SENP7: variants seen among roughly 807,000 people sequenced by gnomAD.
SENP7 encodes sentrin-specific protease 7.
Under a neutral mutation model 141.2 loss-of-function variants are expected in SENP7, and 64 were observed. The observed-to-expected ratio is 0.45, with a 90% CI of 0.37 to 0.56. SENP7 has a LOEUF of 0.56. SENP7 is among the 20% of genes least tolerant of loss of function. SENP7 has a pLI of 0.00. For missense variants in SENP7, 1,025 were observed against 1,212.2 expected (o/e 0.85, Z 2.29); for synonymous variants, 382 against 426.4 (o/e 0.90, Z 1.28).
At position 101,417,636 on chromosome 3, in the gene SENP7, G is replaced by C. The variant is rs1456700710; in HGVS notation, c.439C>G (p.Gln147Glu). ...CTTTGGCGAAGAGGTTCTAATTTTT[G>C]ACATGTCTCTAGGCTGTCAACAGAT... ...STSVDSLETC[Q>E]KLEPLRQSLN... The change falls in exon 5 of 24, where the codon CAA becomes GAA. Residue 147 changes from glutamine to glutamate, a missense_variant. Coordinates refer to ENST00000394095, the MANE Select transcript of SENP7 (RefSeq NM_020654.5). 6 of 1,613,870 alleles carry C rather than the reference G, an allele frequency of 3.7e-6. No homozygotes were observed. The East Asian group carries it at 1.3e-4, about 36-fold the overall frequency.
intron 3 of SENP7, among the ~76,000 whole-genome samples, chr3:101,479,892 C>CAAAAAAAAAAAAAA (rs1168285268): frequency 4.1e-4 from 3 of 7,346 alleles, no homozygotes; most frequent in Non-Finnish European, 4.5e-4. Flanking sequence ...ACAACAGCTA[C>CAAAAAAAAAAAAAA]AAAAAAAAAA....
At chr3:101,412,136 A>T (rs2061474127) in intron 5 of SENP7, among the ~76,000 whole-genome samples, 1 of 152,146 alleles carries the variant, frequency 6.6e-6, no homozygotes, top group East Asian at 1.9e-4. Flanking sequence ...ATTTTTAGAG[A>T]AATGAAGTCT....
rs1193580145 is a variant in SENP7 at position 101,350,339 on chromosome 3, T to C, written c.1657+1279A>G. On this transcript the variant is annotated intron_variant, in intron 12 of 23. Coordinates refer to ENST00000394095, the MANE Select transcript of SENP7 (RefSeq NM_020654.5). ...AAACATAATTAATACCTAATATAAA[T>C]ACGGATAAATCAATTTTTCCCCAGC... Among the ~76,000 whole-genome samples, 10 of 152,122 alleles carry C rather than the reference T, an allele frequency of 6.6e-5. 1 individual carries two copies. The highest frequency in any genetic ancestry group is 6.6e-4 in the Admixed American group (10 of 15,258).
In SENP7 at chr3:101,347,844, T is replaced by C. The variant is rs199645587; in HGVS notation, c.1837+28A>G. On this transcript the variant is annotated intron_variant, in intron 13 of 23. Coordinates refer to ENST00000394095, the MANE Select transcript of SENP7 (RefSeq NM_020654.5). ...TATTTATGACAATTTCAAGTTATCC[T>C]GAAATTTAGAAATCATTTTATACTC... 9.6e-5 allele frequency: 115 copies of C among 1,201,500 alleles called. No individual in the cohort carries two copies. The African/African-American group carries it at 1.7e-3, about 18-fold the overall frequency. 74.4% of individuals were successfully genotyped at this position (1,201,500 alleles called of 1,614,324 possible). A position where few individuals can be genotyped will look rare whatever the true frequency, so the allele number is the denominator to read the frequency against.
At chr3:101,462,219 A>G (rs2063569139) in intron 3 of SENP7, among the ~76,000 whole-genome samples, 1 of 152,186 alleles carries the variant, frequency 6.6e-6, no homozygotes, top group Non-Finnish European at 1.5e-5. Context: ...AAAAAAGCAT[A>G]TGACTAAATC....
At chr3:101,463,271 C>A (rs1231083260) in intron 3 of SENP7, among the ~76,000 whole-genome samples, 2 of 150,750 alleles carry the variant, frequency 1.3e-5, no homozygotes, top group Non-Finnish European at 2.9e-5. Flanking sequence ...ATCACTTGAG[C>A]CTAGGAGTTT....
At chr3:101,506,156 G>A (rs1275844194) in intron 1 of SENP7, among the ~76,000 whole-genome samples, 1 of 151,990 alleles carries the variant, frequency 6.6e-6, no homozygotes, top group Non-Finnish European at 1.5e-5. Flanking sequence ...CAGTACCTGG[G>A]ACTACAGGCA....
intron 7 of SENP7, among the ~76,000 whole-genome samples, chr3:101,370,157 T>C (rs2060138147): frequency 6.6e-6 from 1 of 152,178 alleles, no homozygotes; most frequent in South Asian, 2.1e-4. Flanking sequence ...ACTGAAAAAC[T>C]AAAAAATGTT....
chr3:101,456,462 T>C (rs554691687), intron 4 of SENP7, among the ~76,000 whole-genome samples: 22 of 152,320 alleles, frequency 1.4e-4, no homozygotes, highest in Admixed American at 8.5e-4. Context: ...TTTTATCCCC[T>C]AACAATATCA....
rs185058396 is a variant in SENP7, at chr3:101,376,714, A to G, written c.678-4588T>C. 7.4e-3 allele frequency among the ~76,000 whole-genome samples: 1,132 copies of G among 152,298 alleles called. 12 individuals carry two copies. The highest frequency in any genetic ancestry group is 0.026 in the Admixed American group (393 of 15,290). ...ACGAGTTAATGGGTGCAGCACACCA[A>G]CATGGCACATGTATACATATGTAAC... On this transcript the variant is annotated intron_variant, in intron 6 of 23. Transcript: ENST00000394095.
chr3:101,504,974 A>C (rs1283489571), intron 1 of SENP7, among the ~76,000 whole-genome samples: 1 of 152,110 alleles, frequency 6.6e-6, no homozygotes, highest in Non-Finnish European at 1.5e-5. Context: ...AGGCATGTGG[A>C]GAATCGCTTG....
At position 101,357,477 on chromosome 3, in the gene SENP7, T is replaced by C. The variant is rs930557784; in HGVS notation, c.1623+4238A>G. ...AAGATGATTGCCAGACCCCCAGTTA[T>C]ATGTTCTCATTTTGCCCAAGATCTT... On this transcript the variant is annotated intron_variant, in intron 11 of 23. Coordinates refer to ENST00000394095, the MANE Select transcript of SENP7 (RefSeq NM_020654.5). The C allele has an allele frequency of 1.2e-5, 16 of 1,342,132 alleles. 1 individual carries two copies. In the African/African-American group the frequency reaches 2.2e-4, roughly 18 times the overall value. 83.1% of individuals were successfully genotyped at this position (1,342,132 alleles called of 1,614,324 possible).
At chr3:101,405,960 G>C (rs1342570839) in intron 5 of SENP7, among the ~76,000 whole-genome samples, 2 of 152,042 alleles carry the variant, frequency 1.3e-5, no homozygotes, top group Non-Finnish European at 2.9e-5. Flanking sequence ...AAGAATAATA[G>C]GTGTTCCTCT....
chr3:101,482,326 A>G (rs925360641), intron 3 of SENP7, among the ~76,000 whole-genome samples: 14 of 152,182 alleles, frequency 9.2e-5, no homozygotes, highest in Admixed American at 7.9e-4. Flanking sequence ...AAAAAAAAAA[A>G]AAAGAAAGAA....
chr3:101,492,411 A>T (rs4683924), intron 3 of SENP7, among the ~76,000 whole-genome samples: 60,330 of 151,976 alleles, frequency 0.4, 12,494 homozygotes, highest in Admixed American at 0.54. Context: ...GGTTAATTTT[A>T]CTTGTAACCA....
intron 3 of SENP7, among the ~76,000 whole-genome samples, chr3:101,461,908 C>T (rs2063559335): frequency 6.6e-6 from 1 of 152,098 alleles, no homozygotes; most frequent in East Asian, 1.9e-4. Flanking sequence ...GCCATAGACA[C>T]AAAAGATCAT....
intron 4 of SENP7, among the ~76,000 whole-genome samples, chr3:101,449,085 G>C (rs1171898375): frequency 2.0e-5 from 3 of 152,168 alleles, no homozygotes; most frequent in Non-Finnish European, 4.4e-5. Flanking sequence ...AAATGCACAA[G>C]CCTCAGTACC....
At chr3:101,491,873 C>A (rs1360264030) in intron 3 of SENP7, among the ~76,000 whole-genome samples, 2 of 152,122 alleles carry the variant, frequency 1.3e-5, no homozygotes, top group African/African-American at 4.8e-5. Context: ...AGGTGGATCA[C>A]CTGAGGTTGG....
intron 13 of SENP7, among the ~76,000 whole-genome samples, chr3:101,346,195 G>T (rs1420287729): frequency 6.6e-6 from 1 of 152,002 alleles, no homozygotes; most frequent in Non-Finnish European, 1.5e-5. Flanking sequence ...TCAGAGAAAT[G>T]AAAACCACAA....
Sources: gnomAD v4.1 joint callset for allele counts (sites outside exome capture counted in the v4.1 genomes callset) on GRCh38, gnomAD v4.1.1 for gene constraint, MANE v1.5 for transcripts, NCBI Gene and HGNC (gene_info 2026-07-23, HGNC 2026-07-21) for gene names.